Variants in DIP2C observed in about 807,000 individuals in gnomAD.
The protein encoded by DIP2C is DIP2 acetate--CoA ligase C (putative).
DIP2C carries 33 observed loss-of-function variants against 192.4 expected under a neutral mutation model. That is an observed-to-expected ratio of 0.17 (90% CI 0.13 to 0.23). The LOEUF (loss-of-function observed/expected upper bound fraction) is 0.23, where lower values mean the gene tolerates loss of function less well. DIP2C is among the 10% of genes least tolerant of loss of function. The pLI, the probability that DIP2C is intolerant of heterozygous loss-of-function variation, is 1.00. For synonymous variants in DIP2C, 979 were observed against 864.1 expected (o/e 1.13, Z -2.33); for missense variants, 1,537 against 2,110.1 (o/e 0.73, Z 5.32).
intron 3 of DIP2C, among the ~76,000 whole-genome samples, chr10:454,474 T>C (rs1969120481): frequency 6.6e-6 from 1 of 152,076 alleles, no homozygotes; most frequent in Non-Finnish European, 1.5e-5. Context: ...CCCTGTATGC[T>C]TGATGTCATT....
At chr10:564,040 T>C (rs1849341891) in intron 1 of DIP2C, among the ~76,000 whole-genome samples, 1 of 152,192 alleles carries the variant, frequency 6.6e-6, no homozygotes, top group African/African-American at 2.4e-5. Flanking sequence ...AAACACTAAT[T>C]CTACAGAACC....
intron 3 of DIP2C, among the ~76,000 whole-genome samples, chr10:464,820 T>C (rs1304753136): frequency 5.3e-5 from 8 of 152,006 alleles, no homozygotes; most frequent in African/African-American, 1.9e-4. Context: ...ACATACTCTC[T>C]CCCAAGACTA....
intron 3 of DIP2C, among the ~76,000 whole-genome samples, chr10:466,138 T>A (rs28802416): frequency 0.85 from 125,275 of 146,766 alleles, 55,937 homozygotes; most frequent in Non-Finnish European, 0.97. Flanking sequence ...ACTTCAAACT[T>A]TACTACAAAG....
chr10:657,072 GCTGGACTTGCCACTGGACTTGACA>G (rs1446769827), intron 1 of DIP2C, among the ~76,000 whole-genome samples: 2 of 151,594 alleles, frequency 1.3e-5, no homozygotes, highest in African/African-American at 4.9e-5. Flanking sequence ...TGGACATGCT[GCTGGACTTGCCACTGGACTTGACA>G]CTGGACCTGC....
chr10:529,213 TACC>T (rs1847236293), intron 1 of DIP2C, among the ~76,000 whole-genome samples: 1 of 152,200 alleles, frequency 6.6e-6, no homozygotes, highest in African/African-American at 2.4e-5. Flanking sequence ...TCTTCCTCTA[TACC>T]ACACACCAGT....
At chr10:684,689 C>G (rs951013204) in intron 1 of DIP2C, among the ~76,000 whole-genome samples, 2 of 152,148 alleles carry the variant, frequency 1.3e-5, no homozygotes, top group African/African-American at 4.8e-5. Context: ...ATATCTGTGA[C>G]CTTGTGCCAA....
chr10:485,640 G>T (rs761411384), intron 2 of DIP2C, among the ~76,000 whole-genome samples: 14 of 152,358 alleles, frequency 9.2e-5, no homozygotes, highest in Middle Eastern at 6.8e-3. Context: ...GGGAAGAACA[G>T]AATCGGGGTT....
intron 32 of DIP2C, 91 bp from the exon 33 acceptor site, chr10:288,512 G>A: frequency 1.5e-6 from 2 of 1,351,820 alleles, no homozygotes; most frequent in Admixed American, 1.7e-5. Context: ...CCTGGCAGCT[G>A]TCCGGGAAAG....
At chr10:588,971 C>A (rs1242541474) in intron 1 of DIP2C, among the ~76,000 whole-genome samples, 1 of 152,196 alleles carries the variant, frequency 6.6e-6, no homozygotes, top group Non-Finnish European at 1.5e-5. Context: ...CACAGGAGTC[C>A]CGGCTGCCTC....
At chr10:308,342 T>C (rs1190454396) in intron 32 of DIP2C, among the ~76,000 whole-genome samples, 1 of 151,872 alleles carries the variant, frequency 6.6e-6, no homozygotes, top group Non-Finnish European at 1.5e-5. Flanking sequence ...CCAGCTCCTG[T>C]TCCTATGTAC....
chr10:684,517 T>C (rs1000846392), intron 1 of DIP2C, among the ~76,000 whole-genome samples: 1 of 152,162 alleles, frequency 6.6e-6, no homozygotes, highest in East Asian at 1.9e-4. Flanking sequence ...TCAATGAAAA[T>C]AATGTGTACA....
At chr10:305,517 T>C (rs948268993) in intron 32 of DIP2C, among the ~76,000 whole-genome samples, 2 of 152,236 alleles carry the variant, frequency 1.3e-5, no homozygotes, top group African/African-American at 4.8e-5. Context: ...ATTAATTTAG[T>C]ATCTATGCTT....
chr10:666,841 G>A lies in DIP2C; in HGVS notation c.85+22653C>T, dbSNP rs968036462. 1 of 152,336 alleles carries A rather than the reference G, an allele frequency of 6.6e-6. No individual in the cohort carries two copies. Among genetic ancestry groups the A allele is most frequent in the African/African-American group, 2.4e-5 (1 of 41,416 alleles). 9.4% of individuals were successfully genotyped at this position (152,336 alleles called of 1,614,324 possible). ...AGCTCCCCAGGAAATACCACAGGCA[G>A]ACCCCGGCCGGCAAGCTGCCCCAAG... is the stretch of plus-strand genomic sequence containing the variant. On this transcript the variant is annotated intron_variant, in intron 1 of 36. Transcript: ENST00000280886. This position sits in a 1 kb window ranked among gnomAD's most constrained non-coding sequence, Gnocchi z 4.1.
At chr10:281,366 G>C in intron 35 of DIP2C, 43 bp from the exon 36 acceptor site, 1 of 1,548,060 alleles carries the variant, frequency 6.5e-7, no homozygotes, top group South Asian at 1.2e-5. Context: ...CCATAATGCC[G>C]CTCAAGCCGT....
chr10:300,627 CGCGGCCCTG>C (rs1955987409), intron 32 of DIP2C, among the ~76,000 whole-genome samples: 16 of 142,532 alleles, frequency 1.1e-4, no homozygotes, highest in African/African-American at 4.2e-4. Flanking sequence ...GGAACCCAGG[CGCGGCCCTG>C]AGCGTGTGGA....
At chr10:418,318 G>A (rs893665143) in intron 6 of DIP2C, among the ~76,000 whole-genome samples, 4 of 149,604 alleles carry the variant, frequency 2.7e-5, no homozygotes, top group African/African-American at 9.9e-5. Flanking sequence ...AGGCCTCCCT[G>A]TCCACTGTGC....
At chr10:625,256 G>A (rs940080924) in intron 1 of DIP2C, among the ~76,000 whole-genome samples, 1 of 152,120 alleles carries the variant, frequency 6.6e-6, no homozygotes, top group Non-Finnish European at 1.5e-5. Context: ...CTCCCCCGCC[G>A]CTTCCCGTCA....
chr10:433,926 A>G (rs1024353504), intron 4 of DIP2C, among the ~76,000 whole-genome samples: 4 of 151,834 alleles, frequency 2.6e-5, no homozygotes, highest in Non-Finnish European at 4.4e-5. Context: ...TGTGGTCTTA[A>G]TTGAGCATTT....
chr10:318,882 C>T (rs1334655810), intron 31 of DIP2C, among the ~76,000 whole-genome samples: 1 of 150,414 alleles, frequency 6.6e-6, no homozygotes, highest in African/African-American at 2.4e-5. Context: ...TTAAGATTTA[C>T]ATCATCTCCT....
Sources: gnomAD v4.1 joint callset for allele counts (sites outside exome capture counted in the v4.1 genomes callset) on GRCh38, gnomAD v4.1.1 for gene constraint, Gnocchi (gnomAD v3.1) non-coding constraint, MANE v1.5 for transcripts, NCBI Gene and HGNC (gene_info 2026-07-23, HGNC 2026-07-21) for gene names.